Variants in CHN2 observed in about 807,000 individuals in gnomAD.
CHN2 encodes the protein chimerin 2.
A neutral mutation model predicts 56.3 loss-of-function variants in CHN2; 35 were observed. The observed-to-expected ratio is 0.62, with a 90% CI of 0.47 to 0.82. The LOEUF (loss-of-function observed/expected upper bound fraction) is 0.82, where lower values mean the gene tolerates loss of function less well. Ranked by LOEUF, CHN2 falls within the 40% of genes least tolerant of loss-of-function variation. The pLI, the probability that CHN2 is intolerant of heterozygous loss-of-function variation, is 0.00. For synonymous variants in CHN2, 210 were observed against 212.8 expected (o/e 0.99, Z 0.12); for missense variants, 491 against 580.5 (o/e 0.85, Z 1.58).
At chr7:29,483,042 C>T (rs1439099707) in intron 7 of CHN2, among the ~76,000 whole-genome samples, 1 of 151,774 alleles carries the variant, frequency 6.6e-6, no homozygotes, top group Admixed American at 6.6e-5. Context: ...AAGATGGTCT[C>T]GATCTCCTGA....
In CHN2 at chr7:29,197,701, A is replaced by G. The variant is rs557667041; in HGVS notation, c.49+2711A>G. 2.0e-5 allele frequency among the ~76,000 whole-genome samples: 3 copies of G among 152,340 alleles called. No individual in the cohort carries two copies. The East Asian group carries it at 5.8e-4, about 29-fold the overall frequency. On this transcript the variant is annotated intron_variant, in intron 1 of 12. Coordinates refer to ENST00000222792, the MANE Select transcript of CHN2 (RefSeq NM_004067.4). Reference sequence around the variant, plus strand: ...CGCGAGTGTTTTCCAGGTTTCAGGCATAGCCCTGAGTGTTTGGCATGGAAA... The same window carrying G: ...CGCGAGTGTTTTCCAGGTTTCAGGCGTAGCCCTGAGTGTTTGGCATGGAAA...
At chr7:29,296,673 T>C (rs1189232256) in intron 1 of CHN2, among the ~76,000 whole-genome samples, 2 of 152,234 alleles carry the variant, frequency 1.3e-5, no homozygotes, top group African/African-American at 4.8e-5. Context: ...TTTCCTTTCA[T>C]TGAATACTTT....
At chr7:29,292,827 C>T (rs1238535858) in intron 1 of CHN2, 2 of 448,780 alleles carry the variant, frequency 4.5e-6, no homozygotes, top group Non-Finnish European at 9.0e-6. Flanking sequence ...TATTTTTCTA[C>T]TTTTGTTGTC....
rs201190660 is a variant in CHN2, at chr7:29,313,094, T to G, written c.50-41531T>G. On this transcript the variant is annotated intron_variant, in intron 1 of 12. Coordinates refer to ENST00000222792, the MANE Select transcript of CHN2 (RefSeq NM_004067.4). ...TTTTATCGGACTCTCTTCCAAACAT[T>G]GTCAGTATTCCTCTATCCCTGTCAG... Among the ~76,000 whole-genome samples, 5 of 152,264 alleles carry G rather than the reference T, an allele frequency of 3.3e-5. No individual in the cohort carries two copies. The East Asian group carries it at 9.7e-4, about 29-fold the overall frequency.
At chr7:29,291,208 C>T (rs188590880) in intron 1 of CHN2, among the ~76,000 whole-genome samples, 3 of 152,246 alleles carry the variant, frequency 2.0e-5, no homozygotes, top group East Asian at 1.9e-4. Flanking sequence ...CATGCTTGGG[C>T]CCACTCACCC....
chr7:29,188,719 G>A (rs1227772419), intron 2 of CHN2, among the ~76,000 whole-genome samples: 1 of 152,064 alleles, frequency 6.6e-6, no homozygotes, highest in African/African-American at 2.4e-5. Context: ...CAGCTGTCTA[G>A]AAATAGTCTT....
chr7:29,477,307 G>A (rs1218902372), intron 6 of CHN2, among the ~76,000 whole-genome samples: 2 of 152,074 alleles, frequency 1.3e-5, no homozygotes, highest in African/African-American at 4.8e-5. Context: ...ATCAATAGCT[G>A]AAAAAGAAAT....
At chr7:29,349,307 T>C (rs1797701542) in intron 1 of CHN2, among the ~76,000 whole-genome samples, 2 of 152,222 alleles carry the variant, frequency 1.3e-5, no homozygotes, top group Admixed American at 6.5e-5. Flanking sequence ...TTAAGCATTA[T>C]AAATATTAAC....
intron 2 of CHN2, among the ~76,000 whole-genome samples, chr7:29,147,994 G>A (rs1793004252): frequency 6.6e-6 from 1 of 152,128 alleles, no homozygotes; most frequent in Non-Finnish European, 1.5e-5. Context: ...TTCCCACAGG[G>A]CTCTAGTCCA....
intron 12 of CHN2, among the ~76,000 whole-genome samples, chr7:29,511,158 C>CTG: frequency 3.4e-4 from 2 of 5,800 alleles, no homozygotes; most frequent in Non-Finnish European, 6.3e-4. Context: ...AAACGGAGGA[C>CTG]TGTATAAACA....
At chr7:29,354,961 T>C (rs1333768490) in intron 2 of CHN2, among the ~76,000 whole-genome samples, 3 of 150,026 alleles carry the variant, frequency 2.0e-5, no homozygotes, top group Non-Finnish European at 4.4e-5. Flanking sequence ...TATTTATTTA[T>C]TTATTTATTT....
intron 1 of CHN2, among the ~76,000 whole-genome samples, chr7:29,330,061 T>A (rs533215957): frequency 1.3e-5 from 2 of 152,334 alleles, no homozygotes; most frequent in South Asian, 4.1e-4. Context: ...ATTTCCCTAT[T>A]TCTCAAAGTA....
intron 6 of CHN2, among the ~76,000 whole-genome samples, chr7:29,402,420 CAA>C (rs1802294295): frequency 6.6e-6 from 1 of 152,136 alleles, no homozygotes; most frequent in Non-Finnish European, 1.5e-5. Context: ...TACATTTTAA[CAA>C]AAGAGAGAGG....
chr7:29,402,026 C>T (rs111268069), intron 6 of CHN2, among the ~76,000 whole-genome samples: 5 of 152,310 alleles, frequency 3.3e-5, no homozygotes, highest in Non-Finnish European at 5.9e-5. Context: ...GCTACAGCCC[C>T]GCCACACTGC....
intron 2 of CHN2, among the ~76,000 whole-genome samples, chr7:29,151,814 A>G (rs898913153): frequency 5.9e-5 from 9 of 152,078 alleles, no homozygotes; most frequent in Admixed American, 6.5e-5. Context: ...AACACCACCA[A>G]TCCTACAAGG....
At chr7:29,398,631 C>T in intron 5 of CHN2, 145 bp downstream of exon 5, 1 of 617,774 alleles carries the variant, frequency 1.6e-6, no homozygotes. Context: ...GGGTCCCACT[C>T]TCTCACCCAG....
At chr7:29,227,752 C>G (rs557556937) in intron 1 of CHN2, among the ~76,000 whole-genome samples, 45 of 152,244 alleles carry the variant, frequency 3.0e-4, no homozygotes, top group Non-Finnish European at 5.6e-4. Context: ...TATTCCTGAC[C>G]TTTTGACTTC....
At chr7:29,152,716 T>C (rs760347160) in intron 2 of CHN2, among the ~76,000 whole-genome samples, 6 of 152,240 alleles carry the variant, frequency 3.9e-5, no homozygotes, top group Non-Finnish European at 7.3e-5. Context: ...GCTCTTTTGC[T>C]CTGAGACGGT....
chr7:29,479,958 G>A, intron 6 of CHN2: 1 of 1,451,480 alleles, frequency 6.9e-7, no homozygotes, highest in Non-Finnish European at 9.0e-7. Flanking sequence ...CACTCAAACT[G>A]GGCCTTTCAG....
Sources: gnomAD v4.1 joint callset for allele counts (sites outside exome capture counted in the v4.1 genomes callset) on GRCh38, gnomAD v4.1.1 for gene constraint, MANE v1.5 for transcripts, NCBI Gene and HGNC (gene_info 2026-07-23, HGNC 2026-07-21) for gene names.